NRXN3: variants seen among roughly 807,000 people sequenced by gnomAD.
NRXN3 encodes neurexin 3.
A neutral mutation model predicts 137.6 loss-of-function variants in NRXN3; 32 were observed. The observed-to-expected ratio is 0.23, with a 90% CI of 0.18 to 0.31. NRXN3 has a LOEUF of 0.31. NRXN3 is among the 10% of genes least tolerant of loss of function. The pLI is 1.00. For missense variants in NRXN3, 1,574 were observed against 2,062.5 expected (o/e 0.76, Z 4.59); for synonymous variants, 798 against 784.5 (o/e 1.02, Z -0.29).
At chr14:78,522,321 A>G (rs1261048103) in intron 4 of NRXN3, among the ~76,000 whole-genome samples, 1 of 152,226 alleles carries the variant, frequency 6.6e-6, no homozygotes, top group African/African-American at 2.4e-5. Context: ...ATGATATGTC[A>G]GAGCCATTAA....
At chr14:78,562,648 A>G (rs923374170) in intron 4 of NRXN3, among the ~76,000 whole-genome samples, 6 of 152,192 alleles carry the variant, frequency 3.9e-5, no homozygotes, top group African/African-American at 1.4e-4. Flanking sequence ...ACCAGCTTGC[A>G]CATCCTGCCC....
At chr14:78,922,552 T>G (rs547279458) in intron 10 of NRXN3, among the ~76,000 whole-genome samples, 7 of 152,334 alleles carry the variant, frequency 4.6e-5, no homozygotes, top group African/African-American at 1.7e-4. Flanking sequence ...ATATGCTATA[T>G]TATTATTCAG....
chr14:79,635,366 A>G (rs2098395757), intron 16 of NRXN3, among the ~76,000 whole-genome samples: 1 of 152,236 alleles, frequency 6.6e-6, no homozygotes, highest in Non-Finnish European at 1.5e-5. Flanking sequence ...GAATCCACAG[A>G]CATGGAAGGC....
intron 4 of NRXN3, among the ~76,000 whole-genome samples, chr14:78,426,231 A>G (rs1042273329): frequency 1.1e-4 from 16 of 152,178 alleles, no homozygotes; most frequent in African/African-American, 3.6e-4. Context: ...AGGGTCCCTT[A>G]CAGGGTGGCC....
chr14:79,001,754 G>A (rs1292673726), intron 15 of NRXN3, among the ~76,000 whole-genome samples: 1 of 152,162 alleles, frequency 6.6e-6, no homozygotes, highest in Non-Finnish European at 1.5e-5. Flanking sequence ...GTCAGTTCAA[G>A]TTCTGGCTTC....
At chr14:78,803,041 G>T (rs56061032) in intron 8 of NRXN3, among the ~76,000 whole-genome samples, 137 of 152,278 alleles carry the variant, frequency 9.0e-4, no homozygotes, top group Middle Eastern at 3.4e-3. Context: ...TTATGTTATT[G>T]TTCTAACTCT....
At chr14:79,252,896 G>A (rs918576590) in intron 15 of NRXN3, among the ~76,000 whole-genome samples, 1 of 152,000 alleles carries the variant, frequency 6.6e-6, no homozygotes, top group Non-Finnish European at 1.5e-5. Context: ...TACTTCAAGA[G>A]TTGCCCAGCC....
intron 15 of NRXN3, among the ~76,000 whole-genome samples, chr14:79,255,483 G>T (rs1384916383): frequency 6.6e-6 from 1 of 152,184 alleles, no homozygotes; most frequent in Non-Finnish European, 1.5e-5. Context: ...GTGTGACCTT[G>T]GGCAAGATGT....
At chr14:79,694,907 C>T (rs2098729682) in intron 18 of NRXN3, among the ~76,000 whole-genome samples, 1 of 151,930 alleles carries the variant, frequency 6.6e-6, no homozygotes, top group Admixed American at 6.6e-5. Flanking sequence ...ATGAAACAAA[C>T]AAGCAAACAG....
chr14:79,852,040 A>AT (rs1311439252), intron 20 of NRXN3, among the ~76,000 whole-genome samples: 4 of 151,954 alleles, frequency 2.6e-5, no homozygotes, highest in African/African-American at 9.7e-5. Flanking sequence ...TACTGTCATC[A>AT]TTGTGCTCTG....
At chr14:79,556,329 G>C (rs781471576) in intron 16 of NRXN3, among the ~76,000 whole-genome samples, 5 of 152,156 alleles carry the variant, frequency 3.3e-5, no homozygotes, top group Non-Finnish European at 7.4e-5. Flanking sequence ...GCTGAGTAAA[G>C]AAGATGCTTA....
intron 16 of NRXN3, among the ~76,000 whole-genome samples, chr14:79,634,811 C>A (rs1378276881): frequency 6.6e-6 from 1 of 152,170 alleles, no homozygotes; most frequent in Admixed American, 6.5e-5. Flanking sequence ...CCAACCTTTC[C>A]CCATCGCCAC....
At chr14:78,934,308 C>A (rs562695121) in intron 10 of NRXN3, among the ~76,000 whole-genome samples, 27 of 152,132 alleles carry the variant, frequency 1.8e-4, no homozygotes, top group Non-Finnish European at 3.4e-4. Context: ...AACACGAGAG[C>A]TTTCCAAACT....
chr14:78,233,579 A>T (rs1329173029), intron 1 of NRXN3, among the ~76,000 whole-genome samples: 1 of 152,074 alleles, frequency 6.6e-6, no homozygotes, highest in African/African-American at 2.4e-5. Context: ...ATCTGCTTCT[A>T]AGATAAAGAC....
chr14:78,396,014 A>G (rs1385962430), intron 4 of NRXN3, among the ~76,000 whole-genome samples: 2 of 151,216 alleles, frequency 1.3e-5, no homozygotes, highest in African/African-American at 2.4e-5. Flanking sequence ...TAAGTCTACT[A>G]TTTCATTGTT....
At chr14:79,486,430 G>A (rs8005235) in intron 16 of NRXN3, among the ~76,000 whole-genome samples, 2 of 152,124 alleles carry the variant, frequency 1.3e-5, no homozygotes, top group African/African-American at 4.8e-5. Flanking sequence ...ATTATTCCCT[G>A]AAGTTCCCAT....
chr14:79,321,754 A>G (rs1445481108), intron 15 of NRXN3, among the ~76,000 whole-genome samples: 1 of 150,438 alleles, frequency 6.6e-6, no homozygotes, highest in Non-Finnish European at 1.5e-5. Flanking sequence ...ATATATGCAT[A>G]TGTGTAATTA....
At chr14:78,175,493 G>A (rs190357240) in intron 1 of NRXN3, among the ~76,000 whole-genome samples, 7 of 152,322 alleles carry the variant, frequency 4.6e-5, no homozygotes, top group Admixed American at 1.3e-4. Flanking sequence ...GCTGGCCCGT[G>A]GTCGGCTGTG....
intron 19 of NRXN3, among the ~76,000 whole-genome samples, chr14:79,713,837 A>G (rs1468912203): frequency 6.6e-6 from 1 of 151,884 alleles, no homozygotes; most frequent in East Asian, 2.0e-4. Flanking sequence ...TTTTACATCC[A>G]GAAATGAGCA....
Sources: gnomAD v4.1 joint callset for allele counts (sites outside exome capture counted in the v4.1 genomes callset) on GRCh38, gnomAD v4.1.1 for gene constraint, MANE v1.5 for transcripts, NCBI Gene and HGNC (gene_info 2026-07-23, HGNC 2026-07-21) for gene names.